Variants in GABRB1 observed in about 807,000 individuals in gnomAD.
GABRB1 encodes the protein gamma-aminobutyric acid type A receptor subunit beta1, also known as gamma-aminobutyric acid receptor subunit beta-1.
A neutral mutation model predicts 51.6 loss-of-function variants in GABRB1; 17 were observed. That is an observed-to-expected ratio of 0.33 (90% CI 0.23 to 0.49). GABRB1 has a LOEUF of 0.49. Ranked by LOEUF, GABRB1 falls within the 20% of genes least tolerant of loss-of-function variation. The pLI, the probability that GABRB1 is intolerant of heterozygous loss-of-function variation, is 0.99. For synonymous variants in GABRB1, 247 were observed against 218.9 expected (o/e 1.13, Z -1.14); for missense variants, 410 against 600.6 (o/e 0.68, Z 3.32).
chr4:47,067,921 C>T (rs1328745930), intron 3 of GABRB1, among the ~76,000 whole-genome samples: 1 of 152,058 alleles, frequency 6.6e-6, no homozygotes, highest in Non-Finnish European at 1.5e-5. Context: ...GTTGTTTACC[C>T]CTATGTGTCC....
chr4:47,253,765 G>C (rs1384483854), intron 4 of GABRB1, among the ~76,000 whole-genome samples: 2 of 152,110 alleles, frequency 1.3e-5, no homozygotes, highest in East Asian at 3.8e-4. Flanking sequence ...AACTAATAAA[G>C]GGACTTTTGA....
intron 3 of GABRB1, among the ~76,000 whole-genome samples, chr4:47,049,411 A>G (rs1461852456): frequency 2.6e-5 from 4 of 152,100 alleles, no homozygotes; most frequent in South Asian, 2.1e-4. Context: ...CAGACGACCA[A>G]TTTTTGGGTA....
chr4:47,261,041 G>A (rs974761832), intron 4 of GABRB1, among the ~76,000 whole-genome samples: 3 of 152,064 alleles, frequency 2.0e-5, no homozygotes, highest in Non-Finnish European at 4.4e-5. Context: ...GTATTGATGG[G>A]ACAAATCTCA....
intron 4 of GABRB1, among the ~76,000 whole-genome samples, chr4:47,299,358 T>C (rs1258020744): frequency 6.6e-6 from 1 of 151,964 alleles, no homozygotes; most frequent in Non-Finnish European, 1.5e-5. Flanking sequence ...AGGGCTAATC[T>C]CCAGAATCTA....
At chr4:47,310,362 T>C (rs2109951045) in intron 4 of GABRB1, among the ~76,000 whole-genome samples, 1 of 152,366 alleles carries the variant, frequency 6.6e-6, no homozygotes, top group African/African-American at 2.4e-5. Flanking sequence ...TTAATTGCTG[T>C]AGCCAATGCT....
intron 7 of GABRB1, among the ~76,000 whole-genome samples, chr4:47,404,489 G>GCGCA (rs376360295): frequency 6.9e-6 from 1 of 145,550 alleles, no homozygotes; most frequent in Non-Finnish European, 1.5e-5. Flanking sequence ...ACACACGCAT[G>GCGCA]CACACACACA....
chr4:47,262,691 T>A (rs910796057), intron 4 of GABRB1, among the ~76,000 whole-genome samples: 2 of 152,200 alleles, frequency 1.3e-5, no homozygotes, highest in African/African-American at 4.8e-5. Context: ...TTCCCATTAC[T>A]GGGTATATAC....
rs1401100315 is a variant in GABRB1 at position 47,320,066 on chromosome 4, C to A, written c.462-61C>A. 4.4e-6 allele frequency: 5 copies of A among 1,145,868 alleles called. No homozygotes were observed. In the African/African-American group the frequency reaches 7.6e-5, roughly 17 times the overall value. The allele number at this position is 1,145,868 out of a possible 1,614,324, so 71.0% of individuals were successfully genotyped here. On this transcript the variant is annotated intron_variant, in intron 4 of 8. Transcript: ENST00000295454. ...GTAAACATGATTTGGGGCTAGGAAG[C>A]CTGGAAATGAAATGTCATCACTTTT...
intron 3 of GABRB1, among the ~76,000 whole-genome samples, chr4:47,160,573 T>C (rs577742968): frequency 2.1e-4 from 32 of 152,120 alleles, no homozygotes; most frequent in Non-Finnish European, 4.0e-4. Context: ...AAAACAGAAC[T>C]GTAATATAAT....
chr4:47,200,600 G>A (rs993678575), intron 4 of GABRB1, among the ~76,000 whole-genome samples: 10 of 152,136 alleles, frequency 6.6e-5, no homozygotes, highest in African/African-American at 2.4e-4. Context: ...TATTGTGGAA[G>A]TGACTGCTGG....
chr4:47,337,599 G>T (rs1725744047), intron 5 of GABRB1, among the ~76,000 whole-genome samples: 1 of 151,808 alleles, frequency 6.6e-6, no homozygotes, highest in Non-Finnish European at 1.5e-5. Flanking sequence ...GAGGTCAGGA[G>T]TTCGAGACCA....
intron 3 of GABRB1, among the ~76,000 whole-genome samples, chr4:47,107,294 T>C (rs750553877): frequency 1.6e-4 from 24 of 152,082 alleles, no homozygotes; most frequent in Non-Finnish European, 3.1e-4. Context: ...AAAAAAGGGA[T>C]CGAGCCTCTG....
intron 5 of GABRB1, among the ~76,000 whole-genome samples, chr4:47,352,076 T>G (rs1344135297): frequency 1.3e-5 from 2 of 152,084 alleles, no homozygotes; most frequent in Non-Finnish European, 2.9e-5. Context: ...CACCTGTTGT[T>G]TCCTGACTTT....
intron 5 of GABRB1, among the ~76,000 whole-genome samples, chr4:47,347,071 C>T (rs1311883025): frequency 6.6e-6 from 1 of 152,096 alleles, no homozygotes; most frequent in Non-Finnish European, 1.5e-5. Flanking sequence ...CACTCGAGGT[C>T]AGGAGTTCGT....
chr4:47,197,637 G>A (rs1348305293), intron 4 of GABRB1, among the ~76,000 whole-genome samples: 1 of 152,174 alleles, frequency 6.6e-6, no homozygotes, highest in Admixed American at 6.5e-5. Context: ...TAAAAGTTAT[G>A]ATTCTCCCAC....
rs71195605 is a variant in GABRB1, at chr4:47,125,559, C to CTTTTTTTTTTTTTTTTTTTTTTTTTTTT, written c.241-35676_241-35675insTTTTTTTTTTTTTTTTTTTTTTTTTTTT. Reference sequence around the variant, plus strand: ...CTCTAGACACAACAAAGTATAATTTCTTTTTTTTTTTTTTGAGACGGAGTC... The same window carrying CTTTTTTTTTTTTTTTTTTTTTTTTTTTT: ...CTCTAGACACAACAAAGTATAATTTCTTTTTTTTTTTTTTTTTTTTTTTTTTTTTTTTTTTTTTTTTTGAGACGGAGTC... On this transcript the variant is annotated intron_variant, in intron 3 of 8. Transcript: ENST00000295454. Among the ~76,000 whole-genome samples, 13 of 80,696 alleles carry CTTTTTTTTTTTTTTTTTTTTTTTTTTTT rather than the reference C, an allele frequency of 1.6e-4. 2 individuals are homozygous for CTTTTTTTTTTTTTTTTTTTTTTTTTTTT. The highest frequency in any genetic ancestry group is 8.8e-4 in the South Asian group (2 of 2,264). The allele number at this position is 80,696 out of a possible 152,430, so 52.9% of individuals were successfully genotyped here. A position where few individuals can be genotyped will look rare whatever the true frequency, so the allele number is the denominator to read the frequency against.
intron 8 of GABRB1, among the ~76,000 whole-genome samples, chr4:47,420,522 G>T (rs1049871003): frequency 1.3e-5 from 2 of 152,116 alleles, no homozygotes; most frequent in Admixed American, 1.3e-4. Context: ...ACTTCCTTCT[G>T]CCTCAAGGTT....
chr4:47,177,596 C>T (rs974218614), intron 4 of GABRB1, among the ~76,000 whole-genome samples: 8 of 152,020 alleles, frequency 5.3e-5, no homozygotes, highest in Non-Finnish European at 1.2e-4. Context: ...GAACCAATGA[C>T]TTGTTACTAG....
At chr4:47,017,187 G>A (rs1007758386) in intron 1 of GABRB1, among the ~76,000 whole-genome samples, 2 of 152,078 alleles carry the variant, frequency 1.3e-5, no homozygotes, top group Admixed American at 6.6e-5. Context: ...TAGTTTATGC[G>A]TTTATGAAAG....
Sources: allele counts gnomAD v4.1 joint callset (sites outside exome capture counted in the v4.1 genomes callset), GRCh38; gene constraint gnomAD v4.1.1; transcripts MANE v1.5; gene names NCBI Gene and HGNC (gene_info 2026-07-23, HGNC 2026-07-21).